Variants in CACNA1C observed in about 807,000 individuals in gnomAD.
The protein encoded by CACNA1C is calcium voltage-gated channel subunit alpha1 C, also known as voltage-dependent L-type calcium channel subunit alpha-1C.
CACNA1C carries 30 observed loss-of-function variants against 229.0 expected under a neutral mutation model. The observed-to-expected ratio is 0.13, with a 90% confidence interval of 0.10 to 0.18. The LOEUF is 0.18. Among genes scored for constraint, CACNA1C ranks in the 10% least tolerant of loss-of-function variants. CACNA1C has a pLI of 1.00. For missense variants in CACNA1C, 1,658 were observed against 2,845.0 expected, an observed-to-expected ratio of 0.58 and a Z score of 9.49; for synonymous variants, 1,114 against 1,132.5, an observed-to-expected ratio of 0.98 and a Z score of 0.33.
chr12:2,251,905 A>G (rs546238358), intron 3 of CACNA1C, among the ~76,000 whole-genome samples: 34 of 152,336 alleles, frequency 2.2e-4, no homozygotes, highest in African/African-American at 7.5e-4. Context: ...ATCTGTTAAG[A>G]GGGCTAATGA....
chr12:2,294,047 G>A (rs1028416362), intron 3 of CACNA1C, among the ~76,000 whole-genome samples: 8 of 152,152 alleles, frequency 5.3e-5, no homozygotes, highest in African/African-American at 1.9e-4. Context: ...GTTATTCAAA[G>A]GAAGACGAGA....
At chr12:2,105,019 C>T (rs74585914) in intron 1 of CACNA1C, among the ~76,000 whole-genome samples, 1 of 152,218 alleles carries the variant, frequency 6.6e-6, no homozygotes, top group Non-Finnish European at 1.5e-5. Flanking sequence ...TCAGGGTCCT[C>T]TCACCGAAGC....
chr12:2,326,276 TC>T (rs2096289036), intron 3 of CACNA1C, among the ~76,000 whole-genome samples: 1 of 152,186 alleles, frequency 6.6e-6, no homozygotes, highest in Admixed American at 6.5e-5. Context: ...AACGCGCTGA[TC>T]TCATGTTCAT....
intron 3 of CACNA1C, among the ~76,000 whole-genome samples, chr12:2,421,039 C>CT (rs947170462): frequency 1.3e-5 from 2 of 152,138 alleles, no homozygotes; most frequent in African/African-American, 4.8e-5. Context: ...TAGTGACTAA[C>CT]TAAGTTGAAG....
intron 3 of CACNA1C, among the ~76,000 whole-genome samples, chr12:2,280,906 A>G (rs996796172): frequency 1.3e-5 from 2 of 152,156 alleles, no homozygotes; most frequent in Non-Finnish European, 2.9e-5. Flanking sequence ...CTGTTGACTT[A>G]TTAGCTAAAA....
chr12:2,177,057 C>T (rs1338130980), intron 3 of CACNA1C, among the ~76,000 whole-genome samples: 1 of 152,186 alleles, frequency 6.6e-6, no homozygotes, highest in East Asian at 1.9e-4. Context: ...AGCAACAGGG[C>T]ACCTTTTCCT....
chr12:2,127,817 A>G (rs1471180830), intron 3 of CACNA1C, among the ~76,000 whole-genome samples: 1 of 152,218 alleles, frequency 6.6e-6, no homozygotes, highest in Non-Finnish European at 1.5e-5. Flanking sequence ...GCCTTAGGTC[A>G]GTCACTTAAC....
chr12:2,292,392 C>T (rs920623073), intron 3 of CACNA1C, among the ~76,000 whole-genome samples: 6 of 152,190 alleles, frequency 3.9e-5, no homozygotes, highest in African/African-American at 1.2e-4. Context: ...TTTGTATAAA[C>T]AGAGCACGTT....
At chr12:2,674,037 GA>G (rs199662345) in intron 38 of CACNA1C, among the ~76,000 whole-genome samples, 1,800 of 152,352 alleles carry the variant, frequency 0.012, 40 homozygotes, top group African/African-American at 0.037. Context: ...CTAAGTAGGG[GA>G]ACTCGGGACA....
chr12:2,635,841 T>C (rs1321868311), intron 30 of CACNA1C, among the ~76,000 whole-genome samples: 2 of 152,136 alleles, frequency 1.3e-5, no homozygotes, highest in East Asian at 3.9e-4. Context: ...TCTGTGTGTG[T>C]GTGAGCATGT....
At chr12:2,139,980 G>A (rs761268159) in intron 3 of CACNA1C, among the ~76,000 whole-genome samples, 2 of 150,914 alleles carry the variant, frequency 1.3e-5, no homozygotes, top group Non-Finnish European at 3.0e-5. Context: ...TCTCAGCAGG[G>A]GCTTATCTCT....
intron 1 of CACNA1C, among the ~76,000 whole-genome samples, chr12:2,036,554 C>T (rs1469262505): frequency 6.6e-6 from 1 of 152,010 alleles, no homozygotes; most frequent in Non-Finnish European, 1.5e-5. Context: ...CAACCTCTGC[C>T]TCTCGGGTTC....
chr12:2,303,751 C>T (rs2094773990), intron 3 of CACNA1C, among the ~76,000 whole-genome samples: 1 of 152,206 alleles, frequency 6.6e-6, no homozygotes, highest in African/African-American at 2.4e-5. Flanking sequence ...GGCAAGGCTG[C>T]TCTGCAAGGC....
At chr12:2,616,202 C>T (rs2080471702) in intron 29 of CACNA1C, among the ~76,000 whole-genome samples, 1 of 152,186 alleles carries the variant, frequency 6.6e-6, no homozygotes, top group Non-Finnish European at 1.5e-5. Context: ...TGACCCCCTG[C>T]TTTCTTGAAT....
At chr12:2,539,141 T>C (rs2099862932) in intron 9 of CACNA1C, among the ~76,000 whole-genome samples, 2 of 152,248 alleles carry the variant, frequency 1.3e-5, no homozygotes, top group Non-Finnish European at 2.9e-5. Flanking sequence ...ACCTTGCCTG[T>C]GCCGTAGGGG....
At chr12:2,442,353 A>T (rs2099236899) in intron 3 of CACNA1C, among the ~76,000 whole-genome samples, 1 of 151,962 alleles carries the variant, frequency 6.6e-6, no homozygotes, top group Non-Finnish European at 1.5e-5. Context: ...GTGGCCATGG[A>T]CCCCCCAGTT....
In CACNA1C at chr12:2,493,727, G is replaced by A. The variant is rs1384680201; in HGVS notation, c.1113+341G>A. ...CCTCCTCCCATGCAGAGTTCCTTCT[G>A]CCCTCATCCTTTTCTTGCCTCTTTC... On this transcript the variant is annotated intron_variant, in intron 7 of 46. Coordinates refer to ENST00000399655, the MANE Select transcript of CACNA1C (RefSeq NM_000719.7). The surrounding 1 kb of genome is among the most constrained non-coding windows in gnomAD (Gnocchi z 4.6). Among the ~76,000 whole-genome samples, 1 of 152,134 alleles carries A rather than the reference G, an allele frequency of 6.6e-6. No individual in the cohort carries two copies. The highest frequency in any genetic ancestry group is 2.4e-5 in the African/African-American group (1 of 41,424).
Position 2,595,850 on chromosome 12 carries a change from C to T in CACNA1C, c.2664-24C>T, listed in dbSNP as rs766793374. 1 of 1,609,602 alleles carries T rather than the reference C, an allele frequency of 6.2e-7. No individual in the cohort carries two copies. The highest frequency in any genetic ancestry group is 8.5e-7 in the Non-Finnish European group (1 of 1,177,754). On this transcript the variant is annotated intron_variant, in intron 19 of 46. Transcript: ENST00000399655. This position sits in a 1 kb window ranked among gnomAD's most constrained non-coding sequence, Gnocchi z 4.1. ...CCCTTGTCTGCCTTGACTTGTCTCT[C>T]CTCCTGTCCCCTCTCCCGTACAGGT...
At chr12:2,202,263 G>A (rs2097599461) in intron 3 of CACNA1C, among the ~76,000 whole-genome samples, 2 of 152,168 alleles carry the variant, frequency 1.3e-5, no homozygotes, top group African/African-American at 4.8e-5. Context: ...CATGTGGCCT[G>A]CCCAGGACCT....
Sources: allele counts gnomAD v4.1 joint callset (sites outside exome capture counted in the v4.1 genomes callset), GRCh38; gene constraint gnomAD v4.1.1; non-coding constraint Gnocchi (gnomAD v3.1); transcripts MANE v1.5; gene names NCBI Gene and HGNC (gene_info 2026-07-23, HGNC 2026-07-21).